Variants in ADAMTS20 observed in about 807,000 individuals in gnomAD.
The protein encoded by ADAMTS20 is A disintegrin and metalloproteinase with thrombospondin motifs 20.
In ADAMTS20, 225 loss-of-function variants were observed where a neutral mutation model predicts 260.1. That is an observed-to-expected ratio of 0.87 (90% CI 0.78 to 0.97). ADAMTS20 has a LOEUF of 0.97. Ranked by LOEUF, ADAMTS20 falls within the 50% of genes least tolerant of loss-of-function variation. ADAMTS20 has a pLI of 0.00. For synonymous variants in ADAMTS20, 802 were observed against 769.5 expected, an observed-to-expected ratio of 1.04 and a Z score of -0.70; for missense variants, 2,400 against 2,337.7, an observed-to-expected ratio of 1.03 and a Z score of -0.55.
intron 29 of ADAMTS20, among the ~76,000 whole-genome samples, chr12:43,398,838 T>C (rs1050460634): frequency 1.2e-4 from 18 of 152,236 alleles, no homozygotes; most frequent in Admixed American, 1.3e-4. Context: ...TAGCAAGAAC[T>C]GGTCTTAATT....
chr12:43,509,243 G>T (rs1167253451), intron 3 of ADAMTS20, among the ~76,000 whole-genome samples: 1 of 152,048 alleles, frequency 6.6e-6, no homozygotes, highest in East Asian at 1.9e-4. Flanking sequence ...ATAATAGAAT[G>T]ACACAGGGAC....
intron 21 of ADAMTS20, among the ~76,000 whole-genome samples, chr12:43,431,764 A>G (rs2137308140): frequency 6.6e-6 from 1 of 152,182 alleles, no homozygotes; most frequent in Middle Eastern, 3.4e-3. Context: ...GCTGCTGTGG[A>G]CCCTGGCACT....
chr12:43,394,461 C>T (rs1229081369), intron 29 of ADAMTS20, among the ~76,000 whole-genome samples: 1 of 152,090 alleles, frequency 6.6e-6, no homozygotes, highest in Non-Finnish European at 1.5e-5. Context: ...ATTTAAGCAA[C>T]TCCATCATAT....
intron 12 of ADAMTS20, 37 bp from the exon 13 acceptor site, chr12:43,452,732 C>T: frequency 1.3e-6 from 2 of 1,512,750 alleles, no homozygotes; most frequent in East Asian, 2.3e-5. Flanking sequence ...CACATCAGTA[C>T]AACATTATTT....
intron 29 of ADAMTS20, among the ~76,000 whole-genome samples, chr12:43,393,146 A>T (rs1245815330): frequency 6.6e-6 from 1 of 152,050 alleles, no homozygotes; most frequent in Non-Finnish European, 1.5e-5. Context: ...TACAGGGAAA[A>T]CACTATCATC....
rs775180650 is a variant in ADAMTS20, at chr12:43,468,633, G to T, written c.1190C>A (p.Ser397Tyr). The T allele has an allele frequency of 3.1e-6, 5 of 1,610,944 alleles. No homozygotes were observed. The highest frequency in any genetic ancestry group is 4.2e-6 in the Non-Finnish European group (5 of 1,178,484). Reference sequence around the variant, plus strand: ...AAGCTCATGGGCTATAGTAAAAGCAGAAATGAGTCCTTTTTCTTCATTAAT... The same window carrying T: ...AAGCTCATGGGCTATAGTAAAAGCATAAATGAGTCCTTTTTCTTCATTAAT... Reference protein sequence around the residue: ...CFINEEKGLISAFTIAHELGH... With the variant: ...CFINEEKGLIYAFTIAHELGH... Residue 397 changes from serine (S) to tyrosine (Y), a missense_variant, in exon 8 of 39, where the codon TCT (serine) becomes TAT (tyrosine). Coordinates refer to ENST00000389420, the MANE Select transcript of ADAMTS20 (RefSeq NM_025003.5).
intron 29 of ADAMTS20, among the ~76,000 whole-genome samples, chr12:43,393,315 A>T (rs1039464669): frequency 1.1e-4 from 16 of 152,182 alleles, no homozygotes; most frequent in African/African-American, 3.6e-4. Flanking sequence ...GTGAAGCTGT[A>T]AGTGCAATTA....
Position 43,452,563 on chromosome 12 carries a change from G to C in ADAMTS20, c.1893C>G (p.Asp631Glu). 1 of 1,613,584 alleles carries C rather than the reference G, an allele frequency of 6.2e-7. No individual in the cohort carries two copies. The highest frequency in any genetic ancestry group is 8.5e-7 in the Non-Finnish European group (1 of 1,179,694). ...TCACATTAGAGGGAATGCCACTGATGTCCAAATGTTTACCATTAAAATCAG... is the reference window on the plus strand; with the variant it reads ...TCACATTAGAGGGAATGCCACTGATCTCCAAATGTTTACCATTAAAATCAG... ...QCSDFNGKHL[D>E]ISGIPSNVRW... The change falls in exon 13 of 39, where the codon GAC (aspartate) becomes GAG (glutamate). Residue 631 changes from aspartate (D) to glutamate (E), a missense_variant. Coordinates refer to ENST00000389420, the MANE Select transcript of ADAMTS20 (RefSeq NM_025003.5).
At chr12:43,474,520 G>C (rs1299472323) in intron 7 of ADAMTS20, among the ~76,000 whole-genome samples, 1 of 124,916 alleles carries the variant, frequency 8.0e-6, no homozygotes, top group African/African-American at 3.2e-5. Context: ...ACCAAAGCTG[G>C]GCAGAGACAC....
chr12:43,487,979 T>C (rs527542423), intron 7 of ADAMTS20, among the ~76,000 whole-genome samples: 8 of 152,166 alleles, frequency 5.3e-5, no homozygotes, highest in Non-Finnish European at 1.2e-4. Context: ...TTATTCAATG[T>C]ATAGTTTGGG....
At chr12:43,383,007 C>A (rs904649929) in intron 31 of ADAMTS20, among the ~76,000 whole-genome samples, 1 of 152,040 alleles carries the variant, frequency 6.6e-6, no homozygotes, top group African/African-American at 2.4e-5. Context: ...ACTGTATGAT[C>A]CACTTATATA....
chr12:43,511,591 A>G (rs1942925167), intron 3 of ADAMTS20, among the ~76,000 whole-genome samples: 1 of 152,142 alleles, frequency 6.6e-6, no homozygotes. Flanking sequence ...AATATATTGA[A>G]GAGCAAGACA....
chr12:43,429,401 T>C (rs548084889), intron 24 of ADAMTS20, among the ~76,000 whole-genome samples: 1 of 152,340 alleles, frequency 6.6e-6, no homozygotes, highest in East Asian at 1.9e-4. Context: ...TTAGAAAATA[T>C]ACTCAGAAAA....
chr12:43,382,705 A>C (rs1178240512), intron 31 of ADAMTS20, among the ~76,000 whole-genome samples: 1 of 152,104 alleles, frequency 6.6e-6, no homozygotes, highest in East Asian at 1.9e-4. Context: ...AAAAATTGGA[A>C]AATTTTACCT....
chr12:43,392,815 C>T (rs764631707), intron 29 of ADAMTS20, among the ~76,000 whole-genome samples: 1 of 152,098 alleles, frequency 6.6e-6, no homozygotes, highest in Non-Finnish European at 1.5e-5. Context: ...ATTGCTCCTT[C>T]TCAGGGTCTT....
At chr12:43,360,093 A>G (rs1807251742) in intron 37 of ADAMTS20, among the ~76,000 whole-genome samples, 1 of 152,098 alleles carries the variant, frequency 6.6e-6, no homozygotes, top group South Asian at 2.1e-4. Flanking sequence ...CATATAAAAA[A>G]ACTCAAAACT....
chr12:43,374,807 G>A (rs940454507), intron 36 of ADAMTS20, among the ~76,000 whole-genome samples: 2 of 152,158 alleles, frequency 1.3e-5, no homozygotes, highest in African/African-American at 4.8e-5. Flanking sequence ...TAATGTACCT[G>A]AGGATTTTAA....
intron 2 of ADAMTS20, among the ~76,000 whole-genome samples, chr12:43,546,800 A>G (rs1455472247): frequency 6.6e-6 from 1 of 152,160 alleles, no homozygotes; most frequent in Admixed American, 6.6e-5. Context: ...CTTTTTATAG[A>G]TCTTGGAAAT....
At chr12:43,439,541 A>G (rs968453632) in intron 18 of ADAMTS20, 81 bp downstream of exon 18, 34 of 1,501,698 alleles carry the variant, frequency 2.3e-5, no homozygotes, top group East Asian at 4.5e-5. Context: ...AGGATTCCAT[A>G]GGCAGCCAAG....
Sources: gnomAD v4.1 joint callset for allele counts (sites outside exome capture counted in the v4.1 genomes callset) on GRCh38, gnomAD v4.1.1 for gene constraint, MANE v1.5 for transcripts, NCBI Gene and HGNC (gene_info 2026-07-23, HGNC 2026-07-21) for gene names.